Variants in TSHZ2 observed in about 807,000 individuals in gnomAD.
TSHZ2 encodes teashirt homolog 2.
Under a neutral mutation model 74.4 loss-of-function variants are expected in TSHZ2, and 21 were observed. The ratio of observed to expected loss-of-function variants is 0.28; its 90% confidence interval spans 0.20 to 0.41. The LOEUF (loss-of-function observed/expected upper bound fraction) is 0.41. Ranked by LOEUF, TSHZ2 falls within the 10% of genes least tolerant of loss-of-function variation. The pLI is 1.00. For missense variants in TSHZ2, 1,244 were observed against 1,293.5 expected (o/e 0.96, Z 0.59); for synonymous variants, 540 against 515.3 (o/e 1.05, Z -0.65).
chr20:53,207,407 G>A (rs1187321904), intron 1 of TSHZ2, among the ~76,000 whole-genome samples: 1 of 152,150 alleles, frequency 6.6e-6, no homozygotes, highest in Admixed American at 6.5e-5. Context: ...CCAATCAGGT[G>A]TGTTCTGAAG....
chr20:53,140,539 CAAAAAA>C (rs34045440), intron 1 of TSHZ2, among the ~76,000 whole-genome samples: 1,106 of 79,800 alleles, frequency 0.014, 14 homozygotes, highest in African/African-American at 0.05. Flanking sequence ...GACTCCGTCT[CAAAAAA>C]AAAAAAAAAA....
At chr20:53,473,875 A>G (rs1600668578) in intron 2 of TSHZ2, among the ~76,000 whole-genome samples, 1 of 152,346 alleles carries the variant, frequency 6.6e-6, no homozygotes, top group South Asian at 2.1e-4. Context: ...AACCTCAGGA[A>G]GCGATGCAAT....
chr20:53,161,130 C>CAAAAAAA (rs368626161), intron 1 of TSHZ2, among the ~76,000 whole-genome samples: 3,468 of 67,830 alleles, frequency 0.051, 614 homozygotes, highest in African/African-American at 0.16. Context: ...TTATTTTCAG[C>CAAAAAAA]AAAAAAAAAA....
rs542266469 is a variant in TSHZ2, at chr20:53,218,437, T to C, written c.41-35062T>C. 7.2e-5 allele frequency among the ~76,000 whole-genome samples: 11 copies of C among 152,390 alleles called. No homozygotes were observed. In the South Asian group the frequency reaches 2.3e-3, roughly 32 times the overall value. ...CCACTAAATAAATAGATAATCGTAATAATAATGTACACAGCATTGCCAAAA... is the reference window on the plus strand; with the variant it reads ...CCACTAAATAAATAGATAATCGTAACAATAATGTACACAGCATTGCCAAAA... On this transcript the variant is annotated intron_variant, in intron 1 of 2. Coordinates refer to ENST00000371497, the MANE Select transcript of TSHZ2 (RefSeq NM_173485.6).
At chr20:53,114,455 G>T (rs1282895279) in intron 1 of TSHZ2, among the ~76,000 whole-genome samples, 2 of 149,700 alleles carry the variant, frequency 1.3e-5, no homozygotes, top group Admixed American at 1.3e-4. Flanking sequence ...TCATGAAGAA[G>T]AAACGAGATG....
chr20:53,040,626 CAA>C (rs1484839188), intron 1 of TSHZ2, among the ~76,000 whole-genome samples: 1 of 148,734 alleles, frequency 6.7e-6, no homozygotes, highest in African/African-American at 2.5e-5. Flanking sequence ...ATTTTATCAT[CAA>C]AGTGAGGCCT....
At chr20:53,387,093 C>G (rs1416362215) in intron 2 of TSHZ2, among the ~76,000 whole-genome samples, 2 of 152,140 alleles carry the variant, frequency 1.3e-5, no homozygotes, top group Non-Finnish European at 2.9e-5. Context: ...CTTCACACAC[C>G]TGCCTAGACA....
intron 1 of TSHZ2, among the ~76,000 whole-genome samples, chr20:53,081,079 G>A (rs1985519182): frequency 6.6e-6 from 1 of 152,190 alleles, no homozygotes; most frequent in Non-Finnish European, 1.5e-5. Context: ...GCAGTGGCAT[G>A]ATCATAGCTC....
intron 1 of TSHZ2, among the ~76,000 whole-genome samples, chr20:52,988,389 A>G (rs1169691247): frequency 6.6e-6 from 1 of 152,178 alleles, no homozygotes; most frequent in East Asian, 1.9e-4. Context: ...ACAAGCTTTT[A>G]GATAGGATAC....
intron 1 of TSHZ2, among the ~76,000 whole-genome samples, chr20:53,112,145 A>G (rs763332182): frequency 1.3e-5 from 2 of 152,218 alleles, no homozygotes; most frequent in Non-Finnish European, 2.9e-5. Context: ...GAAGACAGGT[A>G]GGGCCCAGGT....
At position 53,074,889 on chromosome 20, in the gene TSHZ2, T is replaced by C. The variant is rs1985318113; in HGVS notation, c.40+101556T>C. On this transcript the variant is annotated intron_variant, in intron 1 of 2. Coordinates refer to ENST00000371497, the MANE Select transcript of TSHZ2 (RefSeq NM_173485.6). This position sits in a 1 kb window ranked among gnomAD's most constrained non-coding sequence, Gnocchi z 5.9. ...GACTTACTTGAAGTCATCCAGCTCATCAGAAAGAACCCCAACCCTCCCAAG... is the reference window on the plus strand; with the variant it reads ...GACTTACTTGAAGTCATCCAGCTCACCAGAAAGAACCCCAACCCTCCCAAG... Among the ~76,000 whole-genome samples, 1 of 152,202 alleles carries C rather than the reference T, an allele frequency of 6.6e-6. No individual in the cohort carries two copies. Among genetic ancestry groups the C allele is most frequent in the Non-Finnish European group, 1.5e-5 (1 of 68,024 alleles).
intron 1 of TSHZ2, among the ~76,000 whole-genome samples, chr20:53,216,660 G>A (rs116200546): frequency 1.3e-5 from 2 of 152,164 alleles, no homozygotes; most frequent in Non-Finnish European, 2.9e-5. Context: ...ACCTCTCAAA[G>A]GTGCATGGAG....
At chr20:53,027,633 T>C (rs1251911579) in intron 1 of TSHZ2, among the ~76,000 whole-genome samples, 1 of 151,752 alleles carries the variant, frequency 6.6e-6, no homozygotes, top group Non-Finnish European at 1.5e-5. Context: ...AGAAGATAGA[T>C]GAAAGATAAA....
chr20:53,152,377 C>T (rs1186574547), intron 1 of TSHZ2, among the ~76,000 whole-genome samples: 9 of 152,078 alleles, frequency 5.9e-5, no homozygotes, highest in Non-Finnish European at 1.3e-4. Flanking sequence ...CTGACCTTCA[C>T]CCTAATCTTG....
chr20:53,180,328 G>A (rs561428945), intron 1 of TSHZ2, among the ~76,000 whole-genome samples: 5 of 152,270 alleles, frequency 3.3e-5, no homozygotes, highest in Admixed American at 1.3e-4. Context: ...CAATTCCCAG[G>A]ATGATGGCAT....
chr20:53,102,181 A>C (rs146062746), intron 1 of TSHZ2, among the ~76,000 whole-genome samples: 1 of 152,258 alleles, frequency 6.6e-6, no homozygotes, highest in East Asian at 1.9e-4. Flanking sequence ...AATAATGGAC[A>C]ATATGTACGC....
intron 1 of TSHZ2, among the ~76,000 whole-genome samples, chr20:53,061,240 C>T (rs1262602678): frequency 4.6e-5 from 7 of 152,234 alleles, no homozygotes; most frequent in African/African-American, 1.7e-4. Flanking sequence ...CTTTACTCTC[C>T]TTTTAAGCAC....
Position 53,337,196 on chromosome 20 carries a change from C to T in TSHZ2, c.*8+80625C>T, listed in dbSNP as rs903944323. On this transcript the variant is annotated intron_variant, in intron 2 of 2. Coordinates refer to ENST00000371497, the MANE Select transcript of TSHZ2 (RefSeq NM_173485.6). The stretch of plus-strand genomic sequence containing the variant: ...AAAGCTCCGTTTGGGCCTTATTCAA[C>T]GGATTGAATTCTCCCTGCATGCATT... Among the ~76,000 whole-genome samples the T allele has an allele frequency of 5.9e-5, 9 of 152,194 alleles. No homozygotes were observed. In the South Asian group the frequency reaches 6.2e-4, roughly 10 times the overall value.
intron 1 of TSHZ2, among the ~76,000 whole-genome samples, chr20:53,250,024 TTCAG>T (rs1990290229): frequency 6.6e-6 from 1 of 152,142 alleles, no homozygotes; most frequent in African/African-American, 2.4e-5. Flanking sequence ...GAGTCAGTAG[TTCAG>T]TCAAAGAATG....
Sources: allele counts gnomAD v4.1 joint callset (sites outside exome capture counted in the v4.1 genomes callset), GRCh38; gene constraint gnomAD v4.1.1; non-coding constraint Gnocchi (gnomAD v3.1); transcripts MANE v1.5; gene names NCBI Gene and HGNC (gene_info 2026-07-23, HGNC 2026-07-21).